ABCA6: variants seen among roughly 807,000 people sequenced by gnomAD.
The protein encoded by ABCA6 is ATP-binding cassette sub-family A member 6.
ABCA6 carries 164 observed loss-of-function variants against 191.2 expected under a neutral mutation model. The observed-to-expected ratio is 0.86, with a 90% CI of 0.76 to 0.98. The LOEUF is 0.98. Among genes scored for constraint, ABCA6 ranks in the 50% least tolerant of loss-of-function variants. The pLI is 0.00. For missense variants in ABCA6, 1,958 were observed against 1,894.1 expected (o/e 1.03, Z -0.63); for synonymous variants, 636 against 647.7 (o/e 0.98, Z 0.27).
At chr17:69,140,229 T>C (rs934527707) in intron 2 of ABCA6, among the ~76,000 whole-genome samples, 22 of 152,136 alleles carry the variant, frequency 1.4e-4, no homozygotes, top group Non-Finnish European at 2.9e-4. Flanking sequence ...TGATCATAAT[T>C]CTTAAAAACA....
chr17:69,085,538 AAAG>A lies in ABCA6; in HGVS notation c.4029+84_4029+86del, dbSNP rs564055623. 1.4e-5 allele frequency: 12 copies of A among 829,214 alleles called. No homozygotes were observed. In the South Asian group the frequency reaches 2.5e-4, roughly 17 times the overall value. 51.4% of individuals were successfully genotyped at this position (829,214 alleles called of 1,614,324 possible). ...CAAAGGCAAAAAAAAAAAAAAAAGA[AAAG>A]AAAAATAGTATAGTCTTACAAAGAT... is the stretch of plus-strand genomic sequence containing the variant. On this transcript the variant is annotated intron_variant, in intron 31 of 38. Coordinates refer to ENST00000284425, the MANE Select transcript of ABCA6 (RefSeq NM_080284.3).
chr17:69,098,078 A>C (rs1293702868), intron 22 of ABCA6, 51 bp from the exon 23 acceptor site: 1 of 1,336,402 alleles, frequency 7.5e-7, no homozygotes, highest in African/African-American at 1.5e-5. Flanking sequence ...TAAATGAAAC[A>C]AATAATTATA....
chr17:69,087,574 T>A, intron 28 of ABCA6, 101 bp from the exon 29 acceptor site: 4 of 1,467,802 alleles, frequency 2.7e-6, no homozygotes, highest in Admixed American at 1.9e-5. Flanking sequence ...TCTTCTCTAA[T>A]GTGCAGGTGA....
chr17:69,128,514 T>A (rs2073796862), intron 8 of ABCA6, 105 bp downstream of exon 8: 2 of 787,130 alleles, frequency 2.5e-6, no homozygotes, highest in Non-Finnish European at 1.8e-6. Flanking sequence ...TTAGAAAAAT[T>A]GTTTAGAATA....
At chr17:69,088,132 A>G (rs548018749) in intron 28 of ABCA6, 35 bp downstream of exon 28, 3 of 1,525,320 alleles carry the variant, frequency 2.0e-6, no homozygotes, top group Non-Finnish European at 1.8e-6. Flanking sequence ...ATGTTAAAAT[A>G]TGATATTAAG....
In ABCA6 at chr17:69,123,351, G is replaced by A. The variant is rs1457904156; in HGVS notation, c.1324C>T (p.Gln442Ter). The change falls in exon 10 of 39, where the codon CAA becomes TAA. Residue 442 changes from glutamine to a stop codon, truncating the protein, a stop_gained. Coordinates refer to ENST00000284425, the MANE Select transcript of ABCA6 (RefSeq NM_080284.3). LOFTEE classifies it high-confidence loss of function. Reference protein sequence around the residue: ...LFFLNSSSCFQHQRTNAKVIE... With the variant: ...LFFLNSSSCF ...ACCTTAGCATTAGTCCTTTGGTGTT[G>A]GAAACAAGATGATGAATTCAAGAAA... 2.6e-6 allele frequency: 4 copies of A among 1,560,242 alleles called. No individual in the cohort carries two copies. The African/African-American group carries it at 5.4e-5, about 21-fold the overall frequency.
At position 69,091,266 on chromosome 17, in the gene ABCA6, C is replaced by T. The variant is rs765136277; in HGVS notation, c.3409-4G>A. ...TGGAAAACATGATGGTGGAGGCCTA[C>T]AAGGCAAGTTCAAATATATTGTATC... is the stretch of plus-strand genomic sequence containing the variant. On this transcript the variant is annotated splice_region_variant and splice_polypyrimidine_tract_variant and intron_variant, in intron 25 of 38. Coordinates refer to ENST00000284425, the MANE Select transcript of ABCA6 (RefSeq NM_080284.3). 6.2e-7 allele frequency: 1 copy of T among 1,609,130 alleles called. No homozygotes were observed. The highest frequency in any genetic ancestry group is 8.5e-7 in the Non-Finnish European group (1 of 1,179,074).
chr17:69,128,913 CAGTGAGAAAGT>C (rs1282988156), intron 7 of ABCA6, 109 bp from the exon 8 acceptor site: 10 of 849,048 alleles, frequency 1.2e-5, no homozygotes, highest in Non-Finnish European at 1.8e-5. Context: ...AAATATTTAT[CAGTGAGAAAGT>C]GGTGAAAATA....
At position 69,137,379 on chromosome 17, in the gene ABCA6, G is replaced by C. The variant is rs1264995661; in HGVS notation, c.218C>G (p.Ser73Cys). The C allele has an allele frequency of 1.9e-6, 3 of 1,613,456 alleles. No homozygotes were observed. The highest frequency in any genetic ancestry group is 1.7e-6 in the Non-Finnish European group (2 of 1,179,740). Residue 73 changes from serine (S) to cysteine (C), a missense_variant, in exon 3 of 39, where the codon TCT becomes TGT. Ser to Cys is a moderately radical substitution (Grantham distance 112, BLOSUM62 -1). Coordinates refer to ENST00000284425, the MANE Select transcript of ABCA6 (RefSeq NM_080284.3). Reference protein sequence around the residue: ...NLGRVDKFNSSSLMVVYTPIS... With the variant: ...NLGRVDKFNSCSLMVVYTPIS... Reference sequence around the variant, plus strand: ...TGGTGTATACACAACCATTAAAGAAGAGCTATTAAATTTATCTACCCTTCC... The same window carrying C: ...TGGTGTATACACAACCATTAAAGAACAGCTATTAAATTTATCTACCCTTCC...
chr17:69,124,878 T>C lies in ABCA6; in HGVS notation c.1267+10A>G. On this transcript the variant is annotated intron_variant, in intron 9 of 38. Coordinates refer to ENST00000284425, the MANE Select transcript of ABCA6 (RefSeq NM_080284.3). ...CTGTAGAGGACAGAGAAAAACTCAC[T>C]ATTACTTACAGGGTAAAATTTTGTC... 1.3e-6 allele frequency: 2 copies of C among 1,534,404 alleles called. No homozygotes were observed. Among genetic ancestry groups the C allele is most frequent in the Non-Finnish European group, 1.8e-6 (2 of 1,135,720 alleles).
rs556823790 is a variant in ABCA6 at position 69,106,413 on chromosome 17, C to T, written c.2390-202G>A. Reference sequence around the variant, plus strand: ...TTCAAGACCAACCTGGCCAACATGGCTAAACCCTGTCTCTACTAAAAATAC... The same window carrying T: ...TTCAAGACCAACCTGGCCAACATGGTTAAACCCTGTCTCTACTAAAAATAC... On this transcript the variant is annotated intron_variant, in intron 18 of 38. Transcript: ENST00000284425. 5.3e-5 allele frequency among the ~76,000 whole-genome samples: 8 copies of T among 151,980 alleles called. No individual in the cohort carries two copies. In the South Asian group the frequency reaches 8.3e-4, roughly 16 times the overall value.
intron 20 of ABCA6, 167 bp downstream of exon 20, chr17:69,105,295 C>T: frequency 1.5e-6 from 1 of 675,898 alleles, no homozygotes; most frequent in Non-Finnish European, 2.4e-6. Context: ...TCCCTGTCAT[C>T]TCCAAAATCA....
intron 31 of ABCA6, among the ~76,000 whole-genome samples, 190 bp from the exon 32 acceptor site, chr17:69,085,372 A>G (rs2302132): frequency 0.55 from 83,749 of 151,776 alleles, 24,333 homozygotes; most frequent in Non-Finnish European, 0.66. Flanking sequence ...ACATGCAGAG[A>G]AGAAAAGAGA....
At chr17:69,131,859 C>A (rs1465570750) in intron 6 of ABCA6, among the ~76,000 whole-genome samples, 1 of 152,138 alleles carries the variant, frequency 6.6e-6, no homozygotes, top group African/African-American at 2.4e-5. Context: ...TTGACTCATG[C>A]CTCCCTGGTC....
Position 69,129,657 on chromosome 17 carries a change from C to A in ABCA6, c.886G>T (p.Gly296Cys), listed in dbSNP as rs368916267. Residue 296 changes from glycine to cysteine, a missense_variant, in exon 7 of 39, where the codon GGC (glycine) becomes TGC (cysteine). Gly to Cys is a radical substitution (Grantham distance 159). Transcript: ENST00000284425. ...ITFTQIIVMT[G>C]FMVIFILFFL... The stretch of plus-strand genomic sequence containing the variant: ...AAGAGTATAAATATGACCATGAAGC[C>A]AGTCATGACTATAATTTGGGTGAAT... 1.9e-6 allele frequency: 3 copies of A among 1,603,996 alleles called. No individual in the cohort carries two copies. In the African/African-American group the frequency reaches 4.0e-5, roughly 21 times the overall value.
chr17:69,107,566 A>T (rs2073332073), intron 18 of ABCA6, 130 bp downstream of exon 18: 1 of 693,496 alleles, frequency 1.4e-6, no homozygotes, highest in South Asian at 1.8e-5. Flanking sequence ...AGCCCATCTC[A>T]AACAGCAGAG....
Position 69,129,763 on chromosome 17 carries a change from CAA to C in ABCA6, c.792-14_792-13del. ...GACCCCAGGAGAGCCTAAATAAAGA[CAA>C]AAAGTTATATAAATTATGTTAACTT... is the stretch of plus-strand genomic sequence containing the variant. On this transcript the variant is annotated splice_polypyrimidine_tract_variant and intron_variant, in intron 6 of 38. Transcript: ENST00000284425. The C allele has an allele frequency of 6.4e-7, 1 of 1,551,910 alleles. No homozygotes were observed. Among genetic ancestry groups the C allele is most frequent in the South Asian group, 1.2e-5 (1 of 82,450 alleles).
intron 25 of ABCA6, chr17:69,094,825 A>G (rs1441067175): frequency 6.5e-6 from 1 of 154,620 alleles, no homozygotes. Flanking sequence ...AAGGAGTGGC[A>G]AAAGCCACAA....
rs572377812 is a variant in ABCA6, at chr17:69,140,580, G to A, written c.96+28C>T. The A allele has an allele frequency of 4.5e-5, 67 of 1,486,018 alleles. No individual in the cohort carries two copies. In the Middle Eastern group the frequency reaches 5.3e-4, roughly 12 times the overall value. The allele number at this position is 1,486,018 out of a possible 1,614,324, so 92.1% of individuals were successfully genotyped here. ...ATGAAACACTGTAAGAGTGCTAACC[G>A]TGGAAAGAGACAAATTTTTAAACAT... On this transcript the variant is annotated intron_variant, in intron 2 of 38. Coordinates refer to ENST00000284425, the MANE Select transcript of ABCA6 (RefSeq NM_080284.3).
Sources: gnomAD v4.1 joint callset for allele counts (sites outside exome capture counted in the v4.1 genomes callset) on GRCh38, gnomAD v4.1.1 for gene constraint, MANE v1.5 for transcripts, NCBI Gene and HGNC (gene_info 2026-07-23, HGNC 2026-07-21) for gene names.